HMBOX1: variants seen among roughly 807,000 people sequenced by gnomAD.
The protein encoded by HMBOX1 is homeobox-containing protein 1.
Under a neutral mutation model 54.5 loss-of-function variants are expected in HMBOX1, and 14 were observed. The observed-to-expected ratio is 0.26, with a 90% CI of 0.17 to 0.40. The LOEUF is 0.40. HMBOX1 is among the 10% of genes least tolerant of loss of function. HMBOX1 has a pLI of 1.00. For synonymous variants in HMBOX1, 160 were observed against 181.0 expected (o/e 0.88, Z 0.93); for missense variants, 332 against 514.4 (o/e 0.65, Z 3.43).
intron 6 of HMBOX1, among the ~76,000 whole-genome samples, chr8:29,022,446 T>C (rs1801336705): frequency 6.6e-6 from 1 of 152,098 alleles, no homozygotes. Flanking sequence ...CTTAAAGATA[T>C]ACTGGCAAAA....
intron 6 of HMBOX1, among the ~76,000 whole-genome samples, chr8:29,039,398 A>G (rs1804478189): frequency 6.6e-6 from 1 of 152,224 alleles, no homozygotes; most frequent in Non-Finnish European, 1.5e-5. Context: ...AAACACAAAT[A>G]AAAATATCTT....
intron 1 of HMBOX1, among the ~76,000 whole-genome samples, chr8:28,944,773 A>G (rs1046759801): frequency 6.6e-6 from 1 of 152,224 alleles, no homozygotes; most frequent in Non-Finnish European, 1.5e-5. Flanking sequence ...CAAGATGGTT[A>G]GAAACTACTG....
chr8:29,010,207 C>T (rs988609611), intron 5 of HMBOX1: 16 of 886,002 alleles, frequency 1.8e-5, no homozygotes, highest in Non-Finnish European at 1.9e-5. Flanking sequence ...TTCAGATGTA[C>T]AGAAAATTCA....
chr8:28,894,834 C>T (rs571708412), intron 1 of HMBOX1, among the ~76,000 whole-genome samples: 1 of 151,716 alleles, frequency 6.6e-6, no homozygotes, highest in African/African-American at 2.4e-5. Flanking sequence ...GGTTTTTACC[C>T]TTATAGTGGT....
In HMBOX1 at chr8:29,029,003, A is replaced by G. The variant is rs569416903; in HGVS notation, c.851+10090A>G. 2.0e-5 allele frequency among the ~76,000 whole-genome samples: 3 copies of G among 152,126 alleles called. No individual in the cohort carries two copies. The South Asian group carries it at 6.2e-4, about 32-fold the overall frequency. The stretch of plus-strand genomic sequence containing the variant: ...TCATGAAGCTATGTTTTCATTTAGT[A>G]TATTTTTTCTTCTTGTTTGCTTTAT... On this transcript the variant is annotated intron_variant, in intron 6 of 9. Transcript: ENST00000287701.
chr8:28,942,686 A>G (rs1217555322), intron 1 of HMBOX1, among the ~76,000 whole-genome samples: 1 of 152,056 alleles, frequency 6.6e-6, no homozygotes, highest in Admixed American at 6.5e-5. Flanking sequence ...TCATATTAGC[A>G]CATAACGAAT....
At chr8:28,919,103 G>A (rs915436110) in intron 1 of HMBOX1, among the ~76,000 whole-genome samples, 8 of 152,168 alleles carry the variant, frequency 5.3e-5, no homozygotes, top group African/African-American at 1.4e-4. Flanking sequence ...ATTGGTGAAG[G>A]ATTAACCCAG....
rs1337838334 is a variant in HMBOX1 at position 29,051,160 on chromosome 8, G to C, written c.*5G>C. 4 of 1,613,270 alleles carry C rather than the reference G, an allele frequency of 2.5e-6. No homozygotes were observed. In the Admixed American group the frequency reaches 6.7e-5, roughly 27 times the overall value. On this transcript the variant is annotated 3_prime_UTR_variant, in exon 10 of 10. Transcript: ENST00000287701. ...GAGGCCCTGGATGATGACTGATCAG[G>C]GAGGTTAAACATGACAAGTTAACTT...
Position 28,896,219 on chromosome 8 carries a change from G to C in HMBOX1, c.-58+5541G>C, listed in dbSNP as rs1475098048. On this transcript the variant is annotated intron_variant, in intron 1 of 9. Transcript: ENST00000287701. ...CTGGCAAGTCCTTAGGATGCTTTTG[G>C]CATATTATAGTTTACAGGAAGCTGC... Among the ~76,000 whole-genome samples, 3 of 152,122 alleles carry C rather than the reference G, an allele frequency of 2.0e-5. No individual in the cohort carries two copies. In the East Asian group the frequency reaches 5.8e-4, roughly 29 times the overall value.
At chr8:28,946,190 T>G (rs1822419697) in intron 1 of HMBOX1, among the ~76,000 whole-genome samples, 1 of 151,472 alleles carries the variant, frequency 6.6e-6, no homozygotes. Flanking sequence ...TGACCTCAGG[T>G]GATCCACCCG....
Position 29,008,996 on chromosome 8 carries a change from C to T in HMBOX1, c.587-76C>T, listed in dbSNP as rs926884069. On this transcript the variant is annotated intron_variant, in intron 4 of 9. Coordinates refer to ENST00000287701, the MANE Select transcript of HMBOX1 (RefSeq NM_001135726.3). ...ACACAGAGAATAAAGCACCCAGTAACCTAGAACCAAAAGATCCTTTATTAA... is the reference window on the plus strand; with the variant it reads ...ACACAGAGAATAAAGCACCCAGTAATCTAGAACCAAAAGATCCTTTATTAA... The T allele has an allele frequency of 7.8e-5, 92 of 1,174,288 alleles. No individual in the cohort carries two copies. In the African/African-American group the frequency reaches 9.5e-4, roughly 12 times the overall value. The allele number at this position is 1,174,288 out of a possible 1,614,324, so 72.7% of individuals were successfully genotyped here. A position where few individuals can be genotyped will look rare whatever the true frequency, so the allele number is the denominator to read the frequency against.
Position 28,982,406 on chromosome 8 carries a change from A to G in HMBOX1, c.586+2250A>G, listed in dbSNP as rs187752980. ...ATTACCTCACTCAGTAATGGTCATGATGATGCCATCCCGTTTTTATTTTTG... is the reference window on the plus strand; with the variant it reads ...ATTACCTCACTCAGTAATGGTCATGGTGATGCCATCCCGTTTTTATTTTTG... On this transcript the variant is annotated intron_variant, in intron 4 of 9. Transcript: ENST00000287701. Among the ~76,000 whole-genome samples, 233 of 152,206 alleles carry G rather than the reference A, an allele frequency of 1.5e-3. 1 individual carries two copies. The highest frequency in any genetic ancestry group is 3.0e-3 in the Non-Finnish European group (206 of 67,982).
At chr8:29,031,505 TAATA>T (rs1286260806) in intron 6 of HMBOX1, among the ~76,000 whole-genome samples, 3 of 152,000 alleles carry the variant, frequency 2.0e-5, no homozygotes, top group Admixed American at 6.6e-5. Flanking sequence ...CTTATATATT[TAATA>T]GTCTGTACAT....
At chr8:28,912,584 T>G (rs2131680351) in intron 1 of HMBOX1, among the ~76,000 whole-genome samples, 1 of 152,342 alleles carries the variant, frequency 6.6e-6, no homozygotes, top group African/African-American at 2.4e-5. Flanking sequence ...TGGTTTGATA[T>G]TTCAGCAGTT....
chr8:29,041,022 A>C (rs1016831112), intron 6 of HMBOX1, among the ~76,000 whole-genome samples: 2 of 152,202 alleles, frequency 1.3e-5, no homozygotes, highest in African/African-American at 4.8e-5. Context: ...ACACTTTCCA[A>C]ACATAAATAG....
Position 28,954,377 on chromosome 8 carries a change from A to G in HMBOX1, c.-57-9434A>G, listed in dbSNP as rs573265204. On this transcript the variant is annotated intron_variant, in intron 1 of 9. Transcript: ENST00000287701. The stretch of plus-strand genomic sequence containing the variant: ...GCTTAAGGGTCTTACTAGTTGGTCT[A>G]TGTAGTATCCCCCATCATCTCTCCC... Among the ~76,000 whole-genome samples, 19 of 152,212 alleles carry G rather than the reference A, an allele frequency of 1.2e-4. No individual in the cohort carries two copies. In the South Asian group the frequency reaches 1.9e-3, roughly 15 times the overall value.
intron 1 of HMBOX1, among the ~76,000 whole-genome samples, chr8:28,937,203 C>G (rs1350074685): frequency 2.0e-5 from 3 of 152,118 alleles, no homozygotes; most frequent in Non-Finnish European, 4.4e-5. Flanking sequence ...GTACAGATGT[C>G]CTAAATCTTT....
rs1833879047 is a variant in HMBOX1, at chr8:29,009,167, G to C, written c.682G>C (p.Glu228Gln). ...AGCATTTTACCGATGGTATCAACTTGAGAAGACAAACCCTGGTAAATAGCA... is the reference window on the plus strand; with the variant it reads ...AGCATTTTACCGATGGTATCAACTTCAGAAGACAAACCCTGGTAAATAGCA... ...KRAFYRWYQL[E>Q]KTNPGATLSM... The change falls in exon 5 of 10, where the codon GAG becomes CAG. Residue 228 changes from glutamate to glutamine, a missense_variant. Around this residue, in one of 4 missense-constraint regions of HMBOX1, gnomAD observed 117 missense variants for 220.0 expected, o/e 0.53. Coordinates refer to ENST00000287701, the MANE Select transcript of HMBOX1 (RefSeq NM_001135726.3). 2.5e-6 allele frequency: 4 copies of C among 1,611,912 alleles called. No individual in the cohort carries two copies. The highest frequency in any genetic ancestry group is 3.4e-6 in the Non-Finnish European group (4 of 1,178,142).
At chr8:29,020,009 A>G (rs1289047056) in intron 6 of HMBOX1, among the ~76,000 whole-genome samples, 1 of 152,220 alleles carries the variant, frequency 6.6e-6, no homozygotes, top group African/African-American at 2.4e-5. Flanking sequence ...TGCTCTCTTT[A>G]TTATAGATAA....
Sources: gnomAD v4.1 joint callset for allele counts (sites outside exome capture counted in the v4.1 genomes callset) on GRCh38, gnomAD v4.1.1 for gene constraint, gnomAD v4.1.1 regional missense constraint, MANE v1.5 for transcripts, NCBI Gene and HGNC (gene_info 2026-07-23, HGNC 2026-07-21) for gene names.